Variants in COL5A1 observed in about 807,000 individuals in gnomAD.
The protein encoded by COL5A1 is collagen type V alpha 1 chain.
A neutral mutation model predicts 263.7 loss-of-function variants in COL5A1; 16 were observed. The ratio of observed to expected loss-of-function variants is 0.06; its 90% CI spans 0.04 to 0.09. The LOEUF (loss-of-function observed/expected upper bound fraction) is 0.09, where lower values mean the gene tolerates loss of function less well. COL5A1 is among the 10% of genes least tolerant of loss of function. The pLI, the probability that COL5A1 is intolerant of heterozygous loss-of-function variation, is 1.00. For synonymous variants in COL5A1, 1,012 were observed against 1,004.5 expected, an observed-to-expected ratio of 1.01 and a Z score of -0.14; for missense variants, 2,036 against 2,540.5, an observed-to-expected ratio of 0.80 and a Z score of 4.27.
Position 134,738,881 on chromosome 9 carries a change from C to A in COL5A1, c.1494+73C>A, listed in dbSNP as rs568634521. ...CCCACGCCTCCTCTCCACACTGTGA[C>A]CCGAGCTGTCCCTGCCTGTGGAGGT... is the stretch of plus-strand genomic sequence containing the variant. On this transcript the variant is annotated intron_variant, in intron 11 of 65. Transcript: ENST00000371817. 73 of 1,250,182 alleles carry A rather than the reference C, an allele frequency of 5.8e-5. 3 individuals carry two copies. In the South Asian group the frequency reaches 7.9e-4, roughly 14 times the overall value. 77.4% of individuals were successfully genotyped at this position (1,250,182 alleles called of 1,614,324 possible).
rs1230461331 is a variant in COL5A1, at chr9:134,642,459, C to T, written c.109+163C>T. ...TTTGCTGGGGGCCCCCCCGAGATGACGACACGCAGACACAATGCCCGCGGG... is the reference window on the plus strand; with the variant it reads ...TTTGCTGGGGGCCCCCCCGAGATGATGACACGCAGACACAATGCCCGCGGG... On this transcript the variant is annotated intron_variant, in intron 1 of 65. Coordinates refer to ENST00000371817, the MANE Select transcript of COL5A1 (RefSeq NM_000093.5). This position sits in a 1 kb window ranked among gnomAD's most constrained non-coding sequence, Gnocchi z 4.5. Among the ~76,000 whole-genome samples the T allele has an allele frequency of 1.3e-5, 2 of 151,468 alleles. No homozygotes were observed. Among genetic ancestry groups the T allele is most frequent in the Non-Finnish European group, 3.0e-5 (2 of 67,776 alleles).
chr9:134,804,764 C>T (rs1249099654), intron 39 of COL5A1, among the ~76,000 whole-genome samples: 5 of 152,342 alleles, frequency 3.3e-5, no homozygotes, highest in African/African-American at 4.8e-5. Context: ...GAGAAGGCCC[C>T]GACCCTTGGC....
rs867804890 is a variant in COL5A1, at chr9:134,802,954, G to A, written c.3073G>A (p.Glu1025Lys). The stretch of plus-strand genomic sequence containing the variant: ...CCCTGGGCCCCCTGGACCCCCCGGT[G>A]AACAGGGGCTTCCGGGCCTTGCTGG... ...GHPGPPGPPG[E>K]QGLPGLAGKE... The change falls in exon 39 of 66, where the codon GAA becomes AAA. Residue 1025 changes from glutamate (E) to lysine (K), a missense_variant. Glu to Lys is a moderately conservative substitution (Grantham distance 56, BLOSUM62 1). Coordinates refer to ENST00000371817, the MANE Select transcript of COL5A1 (RefSeq NM_000093.5). 1 of 1,610,714 alleles carries A rather than the reference G, an allele frequency of 6.2e-7. No homozygotes were observed. Among genetic ancestry groups the A allele is most frequent in the Non-Finnish European group, 8.5e-7 (1 of 1,179,064 alleles).
rs541344094 is a variant in COL5A1 at position 134,724,396 on chromosome 9, C to G, written c.655-2870C>G. ...CATCCCAGGCCACACAGCCAGGCAA[C>G]GGCTGGAGCTGGCATGTGGGCCGGG... On this transcript the variant is annotated intron_variant, in intron 4 of 65. Coordinates refer to ENST00000371817, the MANE Select transcript of COL5A1 (RefSeq NM_000093.5). Among the ~76,000 whole-genome samples the G allele has an allele frequency of 6.6e-5, 10 of 152,332 alleles. No individual in the cohort carries two copies. In the South Asian group the frequency reaches 2.1e-3, roughly 32 times the overall value.
intron 18 of COL5A1, among the ~76,000 whole-genome samples, chr9:134,761,184 ACCC>A (rs554378456): frequency 7.7e-6 from 1 of 129,736 alleles, no homozygotes; most frequent in Non-Finnish European, 1.6e-5. Flanking sequence ...ACACATATGC[ACCC>A]CCCATCCCCC....
In COL5A1 at chr9:134,817,706, G is replaced by A. The variant is rs185363538; in HGVS notation, c.4177-72G>A. 2.3e-3 allele frequency: 3,148 copies of A among 1,370,522 alleles called. 13 individuals are homozygous for A. The highest frequency in any genetic ancestry group is 8.7e-3 in the Middle Eastern group (48 of 5,510). 84.9% of individuals were successfully genotyped at this position (1,370,522 alleles called of 1,614,324 possible). A position where few individuals can be genotyped will look rare whatever the true frequency, so the allele number is the denominator to read the frequency against. ...GGCCACACACACACACACCCTGAGC[G>A]CCTGCACCCGAGCTCGTCCCTCCAC... On this transcript the variant is annotated intron_variant, in intron 53 of 65. Coordinates refer to ENST00000371817, the MANE Select transcript of COL5A1 (RefSeq NM_000093.5).
At chr9:134,648,304 A>AT (rs372346402) in intron 1 of COL5A1, among the ~76,000 whole-genome samples, 13 of 116,756 alleles carry the variant, frequency 1.1e-4, no homozygotes, top group South Asian at 9.4e-4. Flanking sequence ...ATATATATAT[A>AT]ATATATATAT....
At chr9:134,690,579 G>A (rs10776898) in intron 1 of COL5A1, among the ~76,000 whole-genome samples, 143,707 of 152,232 alleles carry the variant, frequency 0.94, 67,955 homozygotes, top group African/African-American at 0.99. Flanking sequence ...CCACGAGAGC[G>A]CAGTGAGGAA....
At chr9:134,760,314 A>T (rs1379787106) in intron 18 of COL5A1, among the ~76,000 whole-genome samples, 1 of 71,890 alleles carries the variant, frequency 1.4e-5, no homozygotes, top group Non-Finnish European at 2.4e-5. Context: ...ACACATACAC[A>T]CATGCACACA....
chr9:134,777,297 A>G (rs1026458474), intron 27 of COL5A1, among the ~76,000 whole-genome samples: 5 of 152,230 alleles, frequency 3.3e-5, no homozygotes, highest in African/African-American at 1.2e-4. Flanking sequence ...ATCTGGTCCC[A>G]GCCGTGCTGC....
chr9:134,744,370 C>T (rs928017685), intron 11 of COL5A1, among the ~76,000 whole-genome samples: 1 of 151,608 alleles, frequency 6.6e-6, no homozygotes, highest in African/African-American at 2.4e-5. Flanking sequence ...TGCATACATG[C>T]CCACACATGC....
intron 27 of COL5A1, 56 bp downstream of exon 27, chr9:134,774,968 G>T (rs1369319474): frequency 2.6e-5 from 40 of 1,537,850 alleles, no homozygotes; most frequent in Non-Finnish European, 3.5e-5. Context: ...TGGGACTGTG[G>T]GCCTTGGCGT....
At chr9:134,703,564 G>A (rs566205293) in intron 4 of COL5A1, among the ~76,000 whole-genome samples, 95 of 151,676 alleles carry the variant, frequency 6.3e-4, no homozygotes, top group African/African-American at 2.2e-3. Flanking sequence ...CACCCCCACC[G>A]CTGCCTGTTG....
At chr9:134,720,401 A>G (rs555334650) in intron 4 of COL5A1, among the ~76,000 whole-genome samples, 4 of 152,278 alleles carry the variant, frequency 2.6e-5, no homozygotes, top group Admixed American at 2.6e-4. Flanking sequence ...GGCTTCATCG[A>G]CCAATTTTCC....
At chr9:134,817,524 G>A (rs1168588260) in intron 53 of COL5A1, among the ~76,000 whole-genome samples, 2 of 152,202 alleles carry the variant, frequency 1.3e-5, no homozygotes, top group African/African-American at 2.4e-5. Flanking sequence ...CACGTGGCCT[G>A]AGAGGCCTTT....
chr9:134,773,267 G>A (rs1836928972), intron 26 of COL5A1, among the ~76,000 whole-genome samples: 1 of 152,198 alleles, frequency 6.6e-6, no homozygotes, highest in Admixed American at 6.5e-5. Context: ...GACTGTGTCC[G>A]ACACTGTGAG....
At chr9:134,829,807 G>T (rs541915636) in intron 63 of COL5A1, among the ~76,000 whole-genome samples, 169 bp from the exon 64 acceptor site, 1 of 152,236 alleles carries the variant, frequency 6.6e-6, no homozygotes, top group Non-Finnish European at 1.5e-5. Flanking sequence ...CACAAGGGCC[G>T]GGGCCCTCAG....
rs761096695 is a variant in COL5A1 at position 134,798,395 on chromosome 9, G to C, written c.2899-13G>C. 1.9e-6 allele frequency: 3 copies of C among 1,614,000 alleles called. No individual in the cohort carries two copies. The highest frequency in any genetic ancestry group is 1.3e-5 in the African/African-American group (1 of 75,060). Reference sequence around the variant, plus strand: ...ACACGAATGAACCTCCTTTCCTTTGGTTTTTTCTTCAGGGCCCTCCAGGCA... The same window carrying C: ...ACACGAATGAACCTCCTTTCCTTTGCTTTTTTCTTCAGGGCCCTCCAGGCA... On this transcript the variant is annotated splice_polypyrimidine_tract_variant and intron_variant, in intron 36 of 65. Coordinates refer to ENST00000371817, the MANE Select transcript of COL5A1 (RefSeq NM_000093.5).
chr9:134,807,991 A>T (rs1198215321), intron 42 of COL5A1, among the ~76,000 whole-genome samples: 1 of 152,162 alleles, frequency 6.6e-6, no homozygotes, highest in Non-Finnish European at 1.5e-5. Flanking sequence ...CAAAGGTTGG[A>T]CGTCTCTGAG....
Sources: gnomAD v4.1 joint callset for allele counts (sites outside exome capture counted in the v4.1 genomes callset) on GRCh38, gnomAD v4.1.1 for gene constraint, Gnocchi (gnomAD v3.1) non-coding constraint, MANE v1.5 for transcripts, NCBI Gene and HGNC (gene_info 2026-07-23, HGNC 2026-07-21) for gene names.